The following COL26A1 variants were observed in gnomAD, a reference collection of about 807,000 sequenced individuals.
COL26A1 encodes the protein collagen alpha-1(XXVI) chain.
COL26A1 carries 41 observed loss-of-function variants against 59.3 expected under a neutral mutation model. The observed-to-expected ratio is 0.69, with a 90% CI of 0.54 to 0.90. The LOEUF is 0.90. Ranked by LOEUF, COL26A1 falls within the 40% of genes least tolerant of loss-of-function variation. The pLI is 0.00. For synonymous variants in COL26A1, 266 were observed against 256.0 expected (o/e 1.04, Z -0.37); for missense variants, 612 against 602.3 (o/e 1.02, Z -0.17).
At chr7:101,442,680 G>C (rs1793087638) in intron 2 of COL26A1, among the ~76,000 whole-genome samples, 1 of 152,152 alleles carries the variant, frequency 6.6e-6, no homozygotes, top group Admixed American at 6.6e-5. Context: ...AACGGTCAGA[G>C]GTTAGTCCTC....
At chr7:101,451,856 C>T (rs1199585475) in intron 3 of COL26A1, among the ~76,000 whole-genome samples, 3 of 151,970 alleles carry the variant, frequency 2.0e-5, no homozygotes, top group African/African-American at 7.2e-5. Flanking sequence ...GGGCATCCAC[C>T]ACCACACCCA....
intron 3 of COL26A1, among the ~76,000 whole-genome samples, chr7:101,457,730 T>C (rs1339557127): frequency 1.3e-5 from 2 of 152,206 alleles, no homozygotes; most frequent in African/African-American, 4.8e-5. Context: ...TTTATATAAA[T>C]GGAACCATAC....
chr7:101,473,253 G>A (rs1793948745), intron 3 of COL26A1, among the ~76,000 whole-genome samples: 1 of 150,852 alleles, frequency 6.6e-6, no homozygotes, highest in African/African-American at 2.5e-5. Context: ...CTAATTTTTT[G>A]TATTTTTAGT....
At chr7:101,506,991 C>T (rs7793964) in intron 3 of COL26A1, among the ~76,000 whole-genome samples, 2,919 of 151,926 alleles carry the variant, frequency 0.019, 38 homozygotes, top group Non-Finnish European at 0.029. Flanking sequence ...CTCGGCTCAC[C>T]GCAACCTCCG....
intron 1 of COL26A1, among the ~76,000 whole-genome samples, chr7:101,405,276 G>A (rs1326442692): frequency 6.6e-6 from 1 of 151,336 alleles, no homozygotes; most frequent in Non-Finnish European, 1.5e-5. Flanking sequence ...TCATAATCCT[G>A]AACTAGCTCT....
rs1792130901 is a variant in COL26A1, at chr7:101,406,443, T to C, written c.159-13534T>C. Among the ~76,000 whole-genome samples the C allele has an allele frequency of 2.0e-5, 3 of 152,272 alleles. No homozygotes were observed. The South Asian group carries it at 6.2e-4, about 32-fold the overall frequency. ...AACAGCAGCCTCAGAGACACTCATT[T>C]TGCTGGAAGGGATGACCCGATTTGT... On this transcript the variant is annotated intron_variant, in intron 1 of 12. Transcript: ENST00000313669.
Position 101,447,697 on chromosome 7 carries a change from A to G in COL26A1, c.295A>G (p.Ile99Val), listed in dbSNP as rs1191413685. 1 of 1,599,250 alleles carries G rather than the reference A, an allele frequency of 6.3e-7. No homozygotes were observed. The highest frequency in any genetic ancestry group is 1.1e-5 in the South Asian group (1 of 88,124). The change falls in exon 3 of 13, where the codon ATC becomes GTC. Residue 99 changes from isoleucine (I) to valine (V), a missense_variant. Transcript: ENST00000313669. Reference protein sequence around the residue: ...CANLVSYRTLIRPTYRVSYRT... With the variant: ...CANLVSYRTLVRPTYRVSYRT... ...TCTGTGTGTTAGTTACAGGACTCTG[A>G]TCAGACCCACCTACAGAGTGTCCTA...
chr7:101,447,884 C>G, intron 3 of COL26A1, 97 bp downstream of exon 3: 1 of 757,200 alleles, frequency 1.3e-6, no homozygotes, highest in South Asian at 1.5e-5. Flanking sequence ...CTTTCCTTTC[C>G]TCCGTAGCTT....
chr7:101,391,829 A>G (rs1791735639), intron 1 of COL26A1, among the ~76,000 whole-genome samples: 1 of 151,180 alleles, frequency 6.6e-6, no homozygotes, highest in Non-Finnish European at 1.5e-5. Flanking sequence ...TGCTGGGGTT[A>G]TAGGCATGAG....
At chr7:101,458,066 T>C (rs1187749852) in intron 3 of COL26A1, among the ~76,000 whole-genome samples, 1 of 152,000 alleles carries the variant, frequency 6.6e-6, no homozygotes, top group African/African-American at 2.4e-5. Context: ...CTGGCAAATT[T>C]TGTATTTTTA....
chr7:101,489,855 T>C (rs1365037404), intron 3 of COL26A1, among the ~76,000 whole-genome samples: 20 of 47,818 alleles, frequency 4.2e-4, no homozygotes, highest in Non-Finnish European at 6.4e-4. Flanking sequence ...TCTTTCTTTC[T>C]TTCTTTCTTT....
At chr7:101,545,102 C>T (rs1190121636) in intron 6 of COL26A1, among the ~76,000 whole-genome samples, 1 of 152,160 alleles carries the variant, frequency 6.6e-6, no homozygotes, top group Non-Finnish European at 1.5e-5. Context: ...CCCTGCCCCC[C>T]TCACCCTCCC....
intron 3 of COL26A1, among the ~76,000 whole-genome samples, chr7:101,463,697 T>C (rs117710521): frequency 0.48 from 54,515 of 113,352 alleles, 14,323 homozygotes; most frequent in African/African-American, 0.62. Context: ...TTCTTTCTTT[T>C]TCTCTCTCTT....
intron 3 of COL26A1, among the ~76,000 whole-genome samples, chr7:101,531,430 T>C (rs997460335): frequency 6.6e-6 from 1 of 152,222 alleles, no homozygotes; most frequent in South Asian, 2.1e-4. Flanking sequence ...ATTCCTCTAG[T>C]TGTTTGAATG....
chr7:101,422,182 G>T (rs2130285131), intron 2 of COL26A1, among the ~76,000 whole-genome samples: 1 of 151,978 alleles, frequency 6.6e-6, no homozygotes, highest in African/African-American at 2.4e-5. Flanking sequence ...CGTGGTGGTG[G>T]GCACCTGTGA....
intron 3 of COL26A1, among the ~76,000 whole-genome samples, chr7:101,531,745 T>C (rs562642994): frequency 6.6e-6 from 1 of 151,706 alleles, no homozygotes; most frequent in Non-Finnish European, 1.5e-5. Flanking sequence ...TCCCCAAACA[T>C]CTATTGCAGA....
At chr7:101,481,237 TG>T (rs1794147662) in intron 3 of COL26A1, among the ~76,000 whole-genome samples, 1 of 152,122 alleles carries the variant, frequency 6.6e-6, no homozygotes, top group Admixed American at 6.6e-5. Flanking sequence ...TCAGAATGCA[TG>T]GGTGTAAAAC....
intron 1 of COL26A1, among the ~76,000 whole-genome samples, chr7:101,404,009 GCTTGAA>G (rs1244556506): frequency 1.1e-4 from 17 of 152,188 alleles, no homozygotes; most frequent in Non-Finnish European, 1.9e-4. Flanking sequence ...CAGGAGAATC[GCTTGAA>G]CCAGGGAGGT....
intron 3 of COL26A1, among the ~76,000 whole-genome samples, chr7:101,478,280 T>C (rs6948940): frequency 0.54 from 82,616 of 152,082 alleles, 24,144 homozygotes; most frequent in African/African-American, 0.75. Flanking sequence ...CACGCCCAGC[T>C]CATTGATATC....
Sources: gnomAD v4.1 joint callset for allele counts (sites outside exome capture counted in the v4.1 genomes callset) on GRCh38, gnomAD v4.1.1 for gene constraint, MANE v1.5 for transcripts, NCBI Gene and HGNC (gene_info 2026-07-23, HGNC 2026-07-21) for gene names.